CWC27: variants seen among roughly 807,000 people sequenced by gnomAD.
The protein encoded by CWC27 is spliceosome-associated protein CWC27 homolog.
Under a neutral mutation model 63.6 loss-of-function variants are expected in CWC27, and 47 were observed. The observed-to-expected ratio is 0.74, with a 90% confidence interval of 0.58 to 0.94. The LOEUF is 0.94. Among genes scored for constraint, CWC27 ranks in the 40% least tolerant of loss-of-function variants. The probability of loss-of-function intolerance (pLI) is 0.00; values close to 1 mark genes in which losing one functional copy is unlikely to be tolerated. For missense variants in CWC27, 495 were observed against 554.3 expected, an observed-to-expected ratio of 0.89 and a Z score of 1.07; for synonymous variants, 175 against 179.8, an observed-to-expected ratio of 0.97 and a Z score of 0.22.
intron 10 of CWC27, among the ~76,000 whole-genome samples, chr5:64,868,524 A>G (rs562280669): frequency 6.6e-6 from 1 of 152,134 alleles, no homozygotes; most frequent in East Asian, 1.9e-4. Flanking sequence ...TTGTCCCCAA[A>G]GCAGCATTCT....
Position 64,971,786 on chromosome 5 carries a change from A to G in CWC27, c.1126A>G (p.Lys376Glu). Reference sequence around the variant, plus strand: ...TGAAGCTTTGAGGAAGCAACAGTCAAAGAAGGGAACTTCCCGGGAAGATCA... The same window carrying G: ...TGAAGCTTTGAGGAAGCAACAGTCAGAGAAGGGAACTTCCCGGGAAGATCA... ...KYEALRKQQS[K>E]KGTSREDQTL... The change falls in exon 12 of 14, where the codon AAG becomes GAG. Residue 376 changes from lysine (K) to glutamate (E), a missense_variant. By Grantham distance (56) the Lys-to-Glu change is moderately conservative. This residue lies in a region of CWC27 where 463 missense variants were observed against 498.1 expected (regional missense o/e 0.93). Coordinates refer to ENST00000381070, the MANE Select transcript of CWC27 (RefSeq NM_005869.4). 1 of 1,611,112 alleles carries G rather than the reference A, an allele frequency of 6.2e-7. No homozygotes were observed. The highest frequency in any genetic ancestry group is 8.5e-7 in the Non-Finnish European group (1 of 1,178,818).
intron 13 of CWC27, among the ~76,000 whole-genome samples, chr5:64,990,266 G>GTTTTTTTTTTTTTTTTTTTTTTGT (rs70983657): frequency 3.0e-5 from 1 of 33,222 alleles, no homozygotes; most frequent in African/African-American, 1.1e-4. Flanking sequence ...TTTTTTTTTT[G>GTTTTTTTTTTTTTTTTTTTTTTGT]TTTTTTTTTT....
chr5:64,842,862 A>G (rs1349345891), intron 10 of CWC27, among the ~76,000 whole-genome samples: 1 of 152,066 alleles, frequency 6.6e-6, no homozygotes, highest in African/African-American at 2.4e-5. Flanking sequence ...TCACCCTCTC[A>G]AAGTGCTGGG....
chr5:64,919,073 T>C (rs1314355388), intron 11 of CWC27, among the ~76,000 whole-genome samples: 3 of 152,262 alleles, frequency 2.0e-5, no homozygotes, highest in Non-Finnish European at 2.9e-5. Flanking sequence ...TCATTTTTTA[T>C]TATGTGATTT....
chr5:65,006,270 T>TA (rs1401136786), intron 13 of CWC27, among the ~76,000 whole-genome samples: 1 of 152,214 alleles, frequency 6.6e-6, no homozygotes, highest in East Asian at 1.9e-4. Flanking sequence ...CTGAGACCTT[T>TA]AGTTGCACAT....
chr5:64,904,534 A>G (rs927837926), intron 11 of CWC27, among the ~76,000 whole-genome samples: 1 of 152,236 alleles, frequency 6.6e-6, no homozygotes, highest in African/African-American at 2.4e-5. Context: ...ATGATATGGT[A>G]TCTGGGTTCC....
intron 11 of CWC27, among the ~76,000 whole-genome samples, chr5:64,955,540 G>A (rs1748788458): frequency 6.6e-6 from 1 of 152,052 alleles, no homozygotes; most frequent in Admixed American, 6.6e-5. Flanking sequence ...ATTGAGCAGG[G>A]CGACCCCCAT....
At chr5:64,881,357 T>C (rs1746931211) in intron 10 of CWC27, among the ~76,000 whole-genome samples, 1 of 152,132 alleles carries the variant, frequency 6.6e-6, no homozygotes, top group Non-Finnish European at 1.5e-5. Flanking sequence ...TCTTTGACTA[T>C]TTAAGGATAG....
intron 11 of CWC27, among the ~76,000 whole-genome samples, chr5:64,952,433 T>G (rs757240291): frequency 1.3e-5 from 2 of 151,926 alleles, no homozygotes; most frequent in Non-Finnish European, 2.9e-5. Context: ...ATATACAAAT[T>G]TTTGAGGTTA....
At chr5:64,840,416 T>C (rs1405637267) in intron 10 of CWC27, among the ~76,000 whole-genome samples, 2 of 91,420 alleles carry the variant, frequency 2.2e-5, no homozygotes, top group African/African-American at 7.2e-5. Context: ...TATATATATA[T>C]ATATATATAT....
intron 11 of CWC27, among the ~76,000 whole-genome samples, chr5:64,947,844 A>T (rs576636843): frequency 5.3e-5 from 8 of 152,062 alleles, no homozygotes; most frequent in Non-Finnish European, 1.0e-4. Context: ...GTTCCAAAGG[A>T]TAGATGTTCA....
chr5:64,777,058 T>C (rs904488964), intron 2 of CWC27, among the ~76,000 whole-genome samples: 1 of 152,102 alleles, frequency 6.6e-6, no homozygotes, highest in Non-Finnish European at 1.5e-5. Flanking sequence ...CTTATTAGCT[T>C]TGATAATTTC....
chr5:64,858,089 G>A (rs1746298650), intron 10 of CWC27, among the ~76,000 whole-genome samples: 1 of 112,580 alleles, frequency 8.9e-6, no homozygotes, highest in Non-Finnish European at 1.7e-5. Context: ...AGTGAGCCGA[G>A]ATCGCGCCAC....
At chr5:64,772,777 G>T (rs1580573160) in intron 1 of CWC27, among the ~76,000 whole-genome samples, 1 of 150,380 alleles carries the variant, frequency 6.6e-6, no homozygotes, top group Non-Finnish European at 1.5e-5. Context: ...CTCTACTAAA[G>T]ATACAAAAAA....
intron 12 of CWC27, among the ~76,000 whole-genome samples, chr5:64,976,870 C>G (rs1749236785): frequency 6.6e-6 from 1 of 152,166 alleles, no homozygotes; most frequent in Non-Finnish European, 1.5e-5. Flanking sequence ...CTTCTGTCTT[C>G]TATGTAAGCA....
chr5:64,774,927 G>A (rs1368492516), intron 2 of CWC27, 140 bp downstream of exon 2: 1 of 505,632 alleles, frequency 2.0e-6, no homozygotes, highest in Non-Finnish European at 3.5e-6. Context: ...GTATTGAGCT[G>A]GGTGTCCGGA....
intron 11 of CWC27, among the ~76,000 whole-genome samples, chr5:64,911,856 C>A (rs1747792284): frequency 1.3e-5 from 2 of 152,006 alleles, no homozygotes; most frequent in Admixed American, 1.3e-4. Flanking sequence ...GGGCGGATCA[C>A]AAGGTCAGGA....
chr5:64,814,520 G>T (rs1444400299), intron 10 of CWC27, among the ~76,000 whole-genome samples: 1 of 152,108 alleles, frequency 6.6e-6, no homozygotes, highest in Non-Finnish European at 1.5e-5. Context: ...CCACAGCAAA[G>T]GTATAAGATA....
At chr5:64,955,263 A>T (rs1316761097) in intron 11 of CWC27, among the ~76,000 whole-genome samples, 1 of 152,142 alleles carries the variant, frequency 6.6e-6, no homozygotes, top group Non-Finnish European at 1.5e-5. Flanking sequence ...CATTACATTT[A>T]GTTCTGTAAC....
Sources: allele counts gnomAD v4.1 joint callset (sites outside exome capture counted in the v4.1 genomes callset), GRCh38; gene constraint gnomAD v4.1.1; regional missense constraint gnomAD v4.1.1; transcripts MANE v1.5; gene names NCBI Gene and HGNC (gene_info 2026-07-23, HGNC 2026-07-21).